Variants in CDC42SE2 observed in about 807,000 individuals in gnomAD.
CDC42SE2 encodes CDC42 small effector protein 2.
CDC42SE2 carries 3 observed loss-of-function variants against 11.5 expected under a neutral mutation model. The ratio of observed to expected loss-of-function variants is 0.26; its 90% CI spans 0.12 to 0.67. CDC42SE2 has a LOEUF of 0.67. Among genes scored for constraint, CDC42SE2 ranks in the 30% least tolerant of loss-of-function variants. CDC42SE2 has a pLI of 0.80. For missense variants in CDC42SE2, 82 were observed against 106.8 expected (o/e 0.77, Z 1.02); for synonymous variants, 33 against 34.8 (o/e 0.95, Z 0.18).
intron 3 of CDC42SE2, among the ~76,000 whole-genome samples, chr5:131,376,711 T>C (rs553154576): frequency 3.7e-4 from 56 of 152,278 alleles, no homozygotes; most frequent in African/African-American, 1.3e-3. Flanking sequence ...CCATGTGTAC[T>C]CAATGTAGCT....
rs75372796 is a variant in CDC42SE2 at position 131,293,711 on chromosome 5, T to C, written c.-454-22265T>C. Among the ~76,000 whole-genome samples the C allele has an allele frequency of 3.6e-4, 55 of 152,334 alleles. No homozygotes were observed. The East Asian group carries it at 9.6e-3, about 27-fold the overall frequency. On this transcript the variant is annotated intron_variant, in intron 1 of 4. Coordinates refer to ENST00000505065, the MANE Select transcript of CDC42SE2 (RefSeq NM_001375635.1). ...CTACCTAGTTTATGGTATTTTGTTA[T>C]AGCAGCCTGAACAGGCTAAGACAAG...
chr5:131,249,405 G>A (rs1258643341), intron 1 of CDC42SE2, among the ~76,000 whole-genome samples: 1 of 152,206 alleles, frequency 6.6e-6, no homozygotes, highest in Non-Finnish European at 1.5e-5. Context: ...ATAAGATGGT[G>A]TGGGATTGGT....
chr5:131,361,551 A>C (rs1159207140), intron 3 of CDC42SE2, among the ~76,000 whole-genome samples: 1 of 152,052 alleles, frequency 6.6e-6, no homozygotes, highest in Non-Finnish European at 1.5e-5. Flanking sequence ...CGTGTGTTAC[A>C]GGGTGCTTTT....
At chr5:131,312,542 G>C (rs1050979556) in intron 1 of CDC42SE2, among the ~76,000 whole-genome samples, 7 of 152,144 alleles carry the variant, frequency 4.6e-5, no homozygotes, top group Non-Finnish European at 7.4e-5. Flanking sequence ...CCCCAGCCTG[G>C]CTGCTGCCTT....
upstream of CDC42SE2, among the ~76,000 whole-genome samples, chr5:131,259,342 C>T (rs746089066): frequency 1.3e-5 from 2 of 152,000 alleles, no homozygotes; most frequent in Non-Finnish European, 2.9e-5. Context: ...TAATTTGTTT[C>T]TTGGAGTATG....
the CDC42SE2 span, among the ~76,000 whole-genome samples, chr5:131,217,834 T>C: frequency 6.6e-6 from 1 of 152,118 alleles, no homozygotes; most frequent in African/African-American, 2.4e-5. Flanking sequence ...CTGATTTGTG[T>C]CCAGAATATG....
At chr5:131,369,186 G>C (rs1166826992) in intron 3 of CDC42SE2, among the ~76,000 whole-genome samples, 1 of 152,100 alleles carries the variant, frequency 6.6e-6, no homozygotes, top group Non-Finnish European at 1.5e-5. Flanking sequence ...GTCATTACTG[G>C]TTGTAATCTT....
At chr5:131,269,450 C>T (rs11745955) in intron 1 of CDC42SE2, among the ~76,000 whole-genome samples, 85,121 of 152,010 alleles carry the variant, frequency 0.56, 28,307 homozygotes, top group Non-Finnish European at 0.76. Flanking sequence ...TCTGTATGAT[C>T]GAATTTTTTT....
At chr5:131,276,804 T>G (rs1757111736) in intron 1 of CDC42SE2, among the ~76,000 whole-genome samples, 1 of 151,996 alleles carries the variant, frequency 6.6e-6, no homozygotes, top group Non-Finnish European at 1.5e-5. Context: ...TTTGGTTCAC[T>G]GCAATCTCTG....
intron 1 of CDC42SE2, among the ~76,000 whole-genome samples, chr5:131,271,314 A>G (rs28404850): frequency 0.042 from 6,396 of 152,286 alleles, 351 homozygotes; most frequent in African/African-American, 0.13. Context: ...AACTCCTTCC[A>G]TAAAATGCAG....
At chr5:131,324,985 G>C (rs1477192519) in intron 2 of CDC42SE2, among the ~76,000 whole-genome samples, 1 of 152,082 alleles carries the variant, frequency 6.6e-6, no homozygotes, top group African/African-American at 2.4e-5. Context: ...CTCTTTAGAT[G>C]CCCTTAAATA....
At chr5:131,278,708 TCCTCTCCCCTCC>T (rs1257322922) in intron 1 of CDC42SE2, among the ~76,000 whole-genome samples, 27 of 58,966 alleles carry the variant, frequency 4.6e-4, no homozygotes, top group South Asian at 7.9e-4. Flanking sequence ...TCCTTTCCTT[TCCTCTCCCCTCC>T]CCTCCCCCCT....
At chr5:131,335,073 A>G (rs1454912807) in intron 2 of CDC42SE2, among the ~76,000 whole-genome samples, 2 of 152,164 alleles carry the variant, frequency 1.3e-5, no homozygotes, top group East Asian at 1.9e-4. Flanking sequence ...TGTCAATTTT[A>G]GATCTTTCCT....
chr5:131,321,548 G>T (rs2149734123), intron 2 of CDC42SE2, among the ~76,000 whole-genome samples: 1 of 152,200 alleles, frequency 6.6e-6, no homozygotes, highest in Middle Eastern at 3.4e-3. Flanking sequence ...TGAAAAAGGT[G>T]CCCGTGATGT....
intron 3 of CDC42SE2, among the ~76,000 whole-genome samples, chr5:131,382,174 G>A (rs936690532): frequency 2.0e-5 from 3 of 152,216 alleles, no homozygotes; most frequent in Non-Finnish European, 2.9e-5. Flanking sequence ...TATGATAGAA[G>A]TAAGCTGAAG....
intron 1 of CDC42SE2, among the ~76,000 whole-genome samples, chr5:131,303,263 C>G (rs1757718792): frequency 6.6e-6 from 1 of 152,126 alleles, no homozygotes; most frequent in Non-Finnish European, 1.5e-5. Context: ...ATATTTGTCC[C>G]TGACAGATCT....
rs543788008 is a variant in CDC42SE2, at chr5:131,309,340, C to T, written c.-454-6636C>T. Among the ~76,000 whole-genome samples, 393 of 151,828 alleles carry T rather than the reference C, an allele frequency of 2.6e-3. 3 individuals are homozygous for T. The highest frequency in any genetic ancestry group is 4.3e-3 in the Admixed American group (65 of 15,226). ...AAGCTTTTTGATGTGCTGCTGGATT[C>T]GTTTTGCCAGTATTTTATTGAGGAT... On this transcript the variant is annotated intron_variant, in intron 1 of 4. Transcript: ENST00000505065.
At chr5:131,253,756 ACT>A (rs945839091) in intron 1 of CDC42SE2, among the ~76,000 whole-genome samples, 10 of 152,150 alleles carry the variant, frequency 6.6e-5, no homozygotes, top group Non-Finnish European at 1.0e-4. Context: ...CAAGAGTGAA[ACT>A]CTGTCTAAAA....
intron 1 of CDC42SE2, among the ~76,000 whole-genome samples, chr5:131,274,560 G>A (rs1361277056): frequency 2.6e-5 from 4 of 152,154 alleles, no homozygotes; most frequent in Non-Finnish European, 5.9e-5. Context: ...CAACAAGGGC[G>A]ATCTTTTGAA....
Sources: gnomAD v4.1 joint callset for allele counts (sites outside exome capture counted in the v4.1 genomes callset) on GRCh38, gnomAD v4.1.1 for gene constraint, MANE v1.5 for transcripts, NCBI Gene and HGNC (gene_info 2026-07-23, HGNC 2026-07-21) for gene names.